The following HHAT variants were observed in gnomAD, a reference collection of about 807,000 sequenced individuals.
HHAT encodes the protein protein-cysteine N-palmitoyltransferase HHAT.
HHAT carries 47 observed loss-of-function variants against 70.8 expected under a neutral mutation model. That is an observed-to-expected ratio of 0.66 (90% CI 0.53 to 0.85). The LOEUF (loss-of-function observed/expected upper bound fraction) is 0.85, where lower values mean the gene tolerates loss of function less well. Ranked by LOEUF, HHAT falls within the 40% of genes least tolerant of loss-of-function variation. The pLI is 0.00. For missense variants in HHAT, 609 were observed against 604.8 expected, an observed-to-expected ratio of 1.01 and a Z score of -0.07; for synonymous variants, 228 against 247.6, an observed-to-expected ratio of 0.92 and a Z score of 0.74.
chr1:210,465,267 C>A (rs1444827794), intron 8 of HHAT, among the ~76,000 whole-genome samples: 1 of 152,086 alleles, frequency 6.6e-6, no homozygotes, highest in African/African-American at 2.4e-5. Context: ...CTGAAATTTT[C>A]TTTCTTTTCT....
intron 5 of HHAT, among the ~76,000 whole-genome samples, chr1:210,401,417 G>A (rs2148201003): frequency 6.6e-6 from 1 of 152,212 alleles, no homozygotes; most frequent in South Asian, 2.1e-4. Flanking sequence ...GCCCGGCCAG[G>A]AACATATTTA....
chr1:210,465,586 G>T (rs376498507), intron 8 of HHAT, among the ~76,000 whole-genome samples: 3 of 152,172 alleles, frequency 2.0e-5, no homozygotes, highest in African/African-American at 7.2e-5. Context: ...AGATCCTTCC[G>T]CCTCAGCCCC....
At chr1:210,471,407 T>A (rs1283466796) in intron 8 of HHAT, among the ~76,000 whole-genome samples, 1 of 151,710 alleles carries the variant, frequency 6.6e-6, no homozygotes, top group Non-Finnish European at 1.5e-5. Context: ...ACATCCTAGA[T>A]AAGAGATGAG....
chr1:210,444,729 G>A (rs1007262076), intron 7 of HHAT, among the ~76,000 whole-genome samples: 1 of 152,120 alleles, frequency 6.6e-6, no homozygotes, highest in Admixed American at 6.5e-5. Context: ...GCCCAGGCTG[G>A]CCTCAAACTC....
chr1:210,342,080 A>G (rs1202691536), intron 1 of HHAT, among the ~76,000 whole-genome samples: 1 of 151,324 alleles, frequency 6.6e-6, no homozygotes, highest in African/African-American at 2.4e-5. Context: ...TTTTCCCCCT[A>G]CCAGCTTCTG....
chr1:210,528,660 G>T (rs934717011), intron 9 of HHAT, among the ~76,000 whole-genome samples: 1 of 152,222 alleles, frequency 6.6e-6, no homozygotes, highest in Non-Finnish European at 1.5e-5. Context: ...AGGATCTGTT[G>T]TGAGGAATAT....
At chr1:210,594,316 C>T (rs1418142804) in intron 10 of HHAT, among the ~76,000 whole-genome samples, 1 of 152,002 alleles carries the variant, frequency 6.6e-6, no homozygotes, top group Non-Finnish European at 1.5e-5. Flanking sequence ...TGTGTATCTG[C>T]AGTGTGTTTT....
At position 210,557,925 on chromosome 1, in the gene HHAT, C is replaced by T. The variant is rs143633204; in HGVS notation, c.1044-29973C>T. 8.9e-3 allele frequency among the ~76,000 whole-genome samples: 1,355 copies of T among 152,262 alleles called. 14 individuals carry two copies. Among genetic ancestry groups the T allele is most frequent in the African/African-American group, 0.029 (1,213 of 41,550 alleles). Reference sequence around the variant, plus strand: ...TATGTGGGTGGAGCAGGCCAGAAGACACTGTCCACATGGGCATTTGGGCTC... The same window carrying T: ...TATGTGGGTGGAGCAGGCCAGAAGATACTGTCCACATGGGCATTTGGGCTC... On this transcript the variant is annotated intron_variant, in intron 9 of 11. Coordinates refer to ENST00000261458, the MANE Select transcript of HHAT (RefSeq NM_018194.6).
chr1:210,380,583 G>A (rs1403072572), intron 3 of HHAT, among the ~76,000 whole-genome samples: 1 of 152,008 alleles, frequency 6.6e-6, no homozygotes, highest in African/African-American at 2.4e-5. Context: ...AGCACAATGG[G>A]ATAAGTTGCT....
At position 210,429,659 on chromosome 1, in the gene HHAT, C is replaced by T. The variant is rs545873189; in HGVS notation, c.856+11334C>T. On this transcript the variant is annotated intron_variant, in intron 7 of 11. Coordinates refer to ENST00000261458, the MANE Select transcript of HHAT (RefSeq NM_018194.6). ...TGCTTCATATTGTATCTGTGGGATGCGTATAATGTCAGGTGGTCCCCCCTG... is the reference window on the plus strand; with the variant it reads ...TGCTTCATATTGTATCTGTGGGATGTGTATAATGTCAGGTGGTCCCCCCTG... 3.3e-4 allele frequency among the ~76,000 whole-genome samples: 50 copies of T among 151,520 alleles called. 1 individual carries two copies. The highest frequency in any genetic ancestry group is 6.8e-3 in the Middle Eastern group (2 of 292).
At chr1:210,382,372 A>C (rs1337606204) in intron 3 of HHAT, among the ~76,000 whole-genome samples, 1 of 152,194 alleles carries the variant, frequency 6.6e-6, no homozygotes, top group Non-Finnish European at 1.5e-5. Flanking sequence ...TTTACACACA[A>C]GGAAATTCAA....
intron 10 of HHAT, among the ~76,000 whole-genome samples, chr1:210,611,276 T>C (rs565758350): frequency 6.6e-6 from 1 of 152,086 alleles, no homozygotes; most frequent in African/African-American, 2.4e-5. Flanking sequence ...TAGCAATCGT[T>C]AGTGGGAGTT....
intron 8 of HHAT, among the ~76,000 whole-genome samples, chr1:210,497,837 C>A (rs915139095): frequency 7.9e-5 from 12 of 151,148 alleles, no homozygotes; most frequent in African/African-American, 2.9e-4. Flanking sequence ...GCAATCTTGA[C>A]TCACTGCAAC....
At chr1:210,531,236 C>T (rs1484548639) in intron 9 of HHAT, among the ~76,000 whole-genome samples, 5 of 152,076 alleles carry the variant, frequency 3.3e-5, no homozygotes, top group Non-Finnish European at 7.3e-5. Flanking sequence ...ATCATATATG[C>T]AGTCTGTTGT....
At chr1:210,543,190 T>C (rs538901269) in intron 9 of HHAT, among the ~76,000 whole-genome samples, 11 of 152,240 alleles carry the variant, frequency 7.2e-5, no homozygotes, top group Non-Finnish European at 1.3e-4. Context: ...AAAAAAGAAA[T>C]TCAGCTAATT....
intron 9 of HHAT, among the ~76,000 whole-genome samples, chr1:210,559,386 G>A (rs1028930395): frequency 6.6e-6 from 1 of 152,158 alleles, no homozygotes; most frequent in Non-Finnish European, 1.5e-5. Flanking sequence ...TAAATGGAGT[G>A]GATAAGTGCT....
rs114236074 is a variant in HHAT, at chr1:210,426,441, A to G, written c.856+8116A>G. ...ACCAGTTTTCAAGAGGAATGCTTCC[A>G]GCATTCGCCTATTCAGTATGATGTT... On this transcript the variant is annotated intron_variant, in intron 7 of 11. Transcript: ENST00000261458. Among the ~76,000 whole-genome samples the G allele has an allele frequency of 8.3e-3, 1,268 of 152,332 alleles. 10 individuals are homozygous for G. Among genetic ancestry groups the G allele is most frequent in the African/African-American group, 0.029 (1,199 of 41,572 alleles).
intron 2 of HHAT, among the ~76,000 whole-genome samples, chr1:210,350,924 C>G (rs1206554349): frequency 1.3e-5 from 2 of 152,056 alleles, no homozygotes; most frequent in Non-Finnish European, 2.9e-5. Flanking sequence ...AGGAAGTTCC[C>G]CTCTATTCCT....
At chr1:210,374,148 C>T (rs891613044) in intron 3 of HHAT, 12 of 152,228 alleles carry the variant, frequency 7.9e-5, no homozygotes, top group East Asian at 1.9e-4. Flanking sequence ...TTTTATAAAA[C>T]ATGATCTGCC....
Sources: allele counts gnomAD v4.1 joint callset (sites outside exome capture counted in the v4.1 genomes callset), GRCh38; gene constraint gnomAD v4.1.1; transcripts MANE v1.5; gene names NCBI Gene and HGNC (gene_info 2026-07-23, HGNC 2026-07-21).